Variants in PIBF1 observed in about 807,000 individuals in gnomAD.
The protein encoded by PIBF1 is progesterone immunomodulatory binding factor 1, also known as progesterone-induced-blocking factor 1.
Under a neutral mutation model 112.5 loss-of-function variants are expected in PIBF1, and 90 were observed. The observed-to-expected ratio is 0.80, with a 90% CI of 0.67 to 0.95. The LOEUF is 0.95. Among genes scored for constraint, PIBF1 ranks in the 40% least tolerant of loss-of-function variants. The pLI is 0.00. For synonymous variants in PIBF1, 301 were observed against 288.6 expected, an observed-to-expected ratio of 1.04 and a Z score of -0.44; for missense variants, 915 against 852.3, an observed-to-expected ratio of 1.07 and a Z score of -0.92.
rs751823987 is a variant in PIBF1, at chr13:72,827,846, A to G, written c.1029A>G (p.Arg343=). 4 of 1,596,056 alleles carry G rather than the reference A, an allele frequency of 2.5e-6. No individual in the cohort carries two copies. The highest frequency in any genetic ancestry group is 3.4e-6 in the Non-Finnish European group (4 of 1,171,044). ...RCAHEEDRLE[R]LQAQLEESKK... ...CTCATGAAGAGGATCGCCTTGAAAG[A>G]CTTCAAGCTCAACTGGAAGAAAGCA... Residue 343 remains arginine (R), a synonymous_variant, in exon 8 of 18, where the codon AGA becomes AGG. Coordinates refer to ENST00000326291, the MANE Select transcript of PIBF1 (RefSeq NM_006346.4).
In PIBF1 at chr13:72,790,241, GACAGAA is replaced by G. The variant is rs1054222053; in HGVS notation, c.253-2199_253-2194del. Among the ~76,000 whole-genome samples the G allele has an allele frequency of 4.6e-5, 7 of 152,236 alleles. No individual in the cohort carries two copies. In the South Asian group the frequency reaches 8.3e-4, roughly 18 times the overall value. ...AAAATAATAGACTAAGGGCAGACAA[GACAGAA>G]ACAGAAGAGTTACATTCCTAAGTTT... is the stretch of plus-strand genomic sequence containing the variant. On this transcript the variant is annotated intron_variant, in intron 2 of 17. Coordinates refer to ENST00000326291, the MANE Select transcript of PIBF1 (RefSeq NM_006346.4).
intron 2 of PIBF1, among the ~76,000 whole-genome samples, chr13:72,790,510 C>CATAG (rs3078582): frequency 0.041 from 5,672 of 140,038 alleles, 129 homozygotes; most frequent in African/African-American, 0.042. Flanking sequence ...CACACACACA[C>CATAG]ATAGATAGAT....
At chr13:72,989,162 TA>T (rs1461484847) in intron 16 of PIBF1, among the ~76,000 whole-genome samples, 1 of 152,184 alleles carries the variant, frequency 6.6e-6, no homozygotes, top group Non-Finnish European at 1.5e-5. Context: ...CTCAAACAGT[TA>T]AACATAGAGT....
intron 10 of PIBF1, chr13:72,881,062 A>T (rs937908053): frequency 1.3e-5 from 2 of 151,730 alleles, no homozygotes; most frequent in African/African-American, 4.8e-5. Context: ...TTAAGGGAGT[A>T]GTCAAATTAT....
Position 72,965,347 on chromosome 13 carries a change from G to C in PIBF1, c.1907G>C (p.Arg636Thr), listed in dbSNP as rs1488002865. The C allele has an allele frequency of 9.9e-6, 16 of 1,610,622 alleles. No homozygotes were observed. The highest frequency in any genetic ancestry group is 5.3e-5 in the African/African-American group (4 of 74,834). ...TATCTCATTGAATCAGTGCGTCAGA[G>C]AGATTCTAAGATTGATTCACTGACG... ...YRYLIESVRQRDSKIDSLTES... is the reference protein window; with the variant it reads ...YRYLIESVRQTDSKIDSLTES... Residue 636 changes from arginine to threonine, a missense_variant, in exon 15 of 18, where the codon AGA becomes ACA. Coordinates refer to ENST00000326291, the MANE Select transcript of PIBF1 (RefSeq NM_006346.4).
chr13:72,917,223 T>C, intron 13 of PIBF1, 57 bp downstream of exon 13: 1 of 1,037,882 alleles, frequency 9.6e-7, no homozygotes. Flanking sequence ...TAATTACATT[T>C]GTGCTTTCTG....
intron 6 of PIBF1, among the ~76,000 whole-genome samples, chr13:72,824,122 T>C (rs1191240749): frequency 6.6e-6 from 1 of 151,702 alleles, no homozygotes; most frequent in Non-Finnish European, 1.5e-5. Flanking sequence ...CAAACAATTC[T>C]CCTGCCTCAG....
At chr13:73,003,247 G>GA (rs71102899) in intron 17 of PIBF1, among the ~76,000 whole-genome samples, 5 of 150,790 alleles carry the variant, frequency 3.3e-5, no homozygotes, top group East Asian at 3.9e-4. Flanking sequence ...CATCTGGAAA[G>GA]AAAAAAAAAT....
In PIBF1 at chr13:72,893,774, C is replaced by T; in HGVS notation, c.1323-10C>T. 12 of 1,537,000 alleles carry T rather than the reference C, an allele frequency of 7.8e-6. No individual in the cohort carries two copies. The highest frequency in any genetic ancestry group is 1.1e-5 in the Non-Finnish European group (12 of 1,139,256). ...TCTTTAGAGTGTCATAACCATTCTG[C>T]TTCTTTCAGGTACAGAGAACTACAA... On this transcript the variant is annotated splice_polypyrimidine_tract_variant and intron_variant, in intron 10 of 17. Transcript: ENST00000326291.
intron 8 of PIBF1, among the ~76,000 whole-genome samples, chr13:72,832,190 A>G (rs1482308195): frequency 6.7e-6 from 1 of 148,944 alleles, no homozygotes; most frequent in East Asian, 2.0e-4. Context: ...TCCTGAATAC[A>G]GCACACTCAT....
rs546676081 is a variant in PIBF1 at position 72,783,730 on chromosome 13, A to G, written c.252+9A>G. 1.2e-6 allele frequency: 2 copies of G among 1,611,054 alleles called. No individual in the cohort carries two copies. The highest frequency in any genetic ancestry group is 8.5e-7 in the Non-Finnish European group (1 of 1,177,754). Reference sequence around the variant, plus strand: ...TGGATTATCTTACAAAGGTAAGATCAGGTTTAAATTTTGTGTTCTATATGC... The same window carrying G: ...TGGATTATCTTACAAAGGTAAGATCGGGTTTAAATTTTGTGTTCTATATGC... On this transcript the variant is annotated intron_variant, in intron 2 of 17. Coordinates refer to ENST00000326291, the MANE Select transcript of PIBF1 (RefSeq NM_006346.4).
At chr13:72,955,450 A>G (rs1310545905) in intron 14 of PIBF1, among the ~76,000 whole-genome samples, 1 of 151,944 alleles carries the variant, frequency 6.6e-6, no homozygotes, top group Non-Finnish European at 1.5e-5. Context: ...AAAAACAATG[A>G]CTTATTTATA....
At chr13:72,889,439 C>T (rs372192712) in intron 10 of PIBF1, among the ~76,000 whole-genome samples, 1 of 152,188 alleles carries the variant, frequency 6.6e-6, no homozygotes, top group African/African-American at 2.4e-5. Flanking sequence ...TCTCTGACTA[C>T]CTACTTCTGT....
intron 10 of PIBF1, among the ~76,000 whole-genome samples, chr13:72,876,683 T>TAATATA (rs1403896823): frequency 1.3e-5 from 2 of 152,172 alleles, no homozygotes; most frequent in African/African-American, 4.8e-5. Flanking sequence ...TAAGGGGTGT[T>TAATATA]AATATAAATG....
chr13:72,866,685 A>G (rs958470858), intron 10 of PIBF1, among the ~76,000 whole-genome samples: 2 of 152,202 alleles, frequency 1.3e-5, no homozygotes, highest in Non-Finnish European at 2.9e-5. Context: ...ACCTAGCTTT[A>G]GACAAGCTAT....
rs571838341 is a variant in PIBF1 at position 72,929,735 on chromosome 13, GT to G, written c.1731-1428del. On this transcript the variant is annotated intron_variant, in intron 13 of 17. Transcript: ENST00000326291. The stretch of plus-strand genomic sequence containing the variant: ...TATGCTTTTTCCATCTCTAATGCCA[GT>G]TGAAAGAATTTTAGATCTAAACAAG... Among the ~76,000 whole-genome samples the G allele has an allele frequency of 6.4e-3, 968 of 152,236 alleles. 6 individuals carry two copies. Among genetic ancestry groups the G allele is most frequent in the Non-Finnish European group, 0.011 (748 of 68,006 alleles).
intron 9 of PIBF1, among the ~76,000 whole-genome samples, chr13:72,840,716 G>A (rs898394480): frequency 6.6e-6 from 1 of 151,902 alleles, no homozygotes; most frequent in Non-Finnish European, 1.5e-5. Context: ...TACGGATGGG[G>A]TTTCACCATC....
At chr13:72,975,103 T>C (rs557206478) in intron 16 of PIBF1, among the ~76,000 whole-genome samples, 9 of 151,002 alleles carry the variant, frequency 6.0e-5, no homozygotes. Flanking sequence ...TCACCCAGGC[T>C]GGAGTGCAGT....
chr13:72,865,543 A>G (rs2038889931), intron 10 of PIBF1, among the ~76,000 whole-genome samples: 1 of 152,220 alleles, frequency 6.6e-6, no homozygotes, highest in African/African-American at 2.4e-5. Flanking sequence ...TTTTGTTACT[A>G]TAATTTTTAC....
Sources: gnomAD v4.1 joint callset for allele counts (sites outside exome capture counted in the v4.1 genomes callset) on GRCh38, gnomAD v4.1.1 for gene constraint, MANE v1.5 for transcripts, NCBI Gene and HGNC (gene_info 2026-07-23, HGNC 2026-07-21) for gene names.